Variants in SLIT2 observed in about 807,000 individuals in gnomAD.
SLIT2 encodes slit homolog 2 protein.
A neutral mutation model predicts 185.7 loss-of-function variants in SLIT2; 41 were observed. That is an observed-to-expected ratio of 0.22 (90% CI 0.17 to 0.29). The LOEUF is 0.29. SLIT2 is among the 10% of genes least tolerant of loss of function. SLIT2 has a pLI of 1.00. For synonymous variants in SLIT2, 693 were observed against 680.2 expected (o/e 1.02, Z -0.29); for missense variants, 1,571 against 1,909.0 (o/e 0.82, Z 3.30).
intron 26 of SLIT2, among the ~76,000 whole-genome samples, chr4:20,564,980 G>A (rs1315811230): frequency 2.6e-5 from 4 of 151,230 alleles, no homozygotes; most frequent in Non-Finnish European, 4.4e-5. Flanking sequence ...TCCCCACTAC[G>A]TGGTAAAATG....
chr4:20,564,966 T>C (rs1328051146), intron 26 of SLIT2, among the ~76,000 whole-genome samples: 1 of 151,980 alleles, frequency 6.6e-6, no homozygotes, highest in Non-Finnish European at 1.5e-5. Flanking sequence ...ATTTATTAAA[T>C]AAATCCCCAC....
intron 4 of SLIT2, among the ~76,000 whole-genome samples, chr4:20,376,423 C>T (rs1724027480): frequency 6.6e-6 from 1 of 151,908 alleles, no homozygotes; most frequent in Non-Finnish European, 1.5e-5. Context: ...GAGATAATTC[C>T]ATTGTAGAAA....
intron 4 of SLIT2, among the ~76,000 whole-genome samples, chr4:20,337,348 G>T (rs1188791653): frequency 6.6e-6 from 1 of 152,090 alleles, no homozygotes; most frequent in Non-Finnish European, 1.5e-5. Context: ...GATGTCATGA[G>T]ATGTATTCAC....
At chr4:20,590,603 C>T (rs143157255) in intron 30 of SLIT2, among the ~76,000 whole-genome samples, 133 of 152,264 alleles carry the variant, frequency 8.7e-4, no homozygotes, top group Non-Finnish European at 1.3e-3. Flanking sequence ...ATTATAATCC[C>T]GCTAAGTGTA....
At chr4:20,342,653 T>C (rs1032720651) in intron 4 of SLIT2, among the ~76,000 whole-genome samples, 1 of 151,064 alleles carries the variant, frequency 6.6e-6, no homozygotes, top group Non-Finnish European at 1.5e-5. Flanking sequence ...ATTCCTTTTT[T>C]AACCTCTTAA....
intron 21 of SLIT2, 66 bp from the exon 22 acceptor site, chr4:20,545,965 G>C: frequency 1.1e-6 from 1 of 913,168 alleles, no homozygotes; most frequent in South Asian, 1.7e-5. Flanking sequence ...GTGAAGTACT[G>C]TTTACTTATT....
Position 20,533,674 on chromosome 4 carries a change from G to A in SLIT2, c.1791G>A (p.Val597=). 2.5e-6 allele frequency: 4 copies of A among 1,613,864 alleles called. No individual in the cohort carries two copies. Among genetic ancestry groups the A allele is most frequent in the South Asian group, 1.1e-5 (1 of 91,052 alleles). ...ILLTSNRLEN[V]QHKMFKGLES... The stretch of plus-strand genomic sequence containing the variant: ...TTACGAGTAATCGTTTGGAAAATGT[G>A]CAGCATAAGATGTTCAAGGGATTGG... The change falls in exon 18 of 37, where the codon GTG becomes GTA. Residue 597 remains valine, a synonymous_variant. Transcript: ENST00000504154.
chr4:20,597,666 G>A (rs1199394475), intron 32 of SLIT2, among the ~76,000 whole-genome samples: 1 of 152,154 alleles, frequency 6.6e-6, no homozygotes, highest in African/African-American at 2.4e-5. Flanking sequence ...ACTCTAGTGA[G>A]GGACAGGGGA....
chr4:20,329,184 G>A (rs1577442218), intron 4 of SLIT2, among the ~76,000 whole-genome samples: 1 of 151,844 alleles, frequency 6.6e-6, no homozygotes, highest in Non-Finnish European at 1.5e-5. Context: ...TGTGCCTCAG[G>A]CATTGTAATA....
At chr4:20,516,342 C>T (rs945466940) in intron 11 of SLIT2, among the ~76,000 whole-genome samples, 2 of 149,576 alleles carry the variant, frequency 1.3e-5, no homozygotes, top group Non-Finnish European at 2.9e-5. Context: ...ATATTGTACA[C>T]ATATAATAGT....
chr4:20,277,523 A>G (rs534717445), intron 4 of SLIT2, among the ~76,000 whole-genome samples: 2 of 151,772 alleles, frequency 1.3e-5, no homozygotes, highest in African/African-American at 4.8e-5. Flanking sequence ...AAACATTTGA[A>G]ATTACTGATT....
At position 20,254,742 on chromosome 4, in the gene SLIT2, C is replaced by T. The variant is rs1711586861; in HGVS notation, c.179+748C>T. Among the ~76,000 whole-genome samples the T allele has an allele frequency of 6.6e-6, 1 of 152,164 alleles. No individual in the cohort carries two copies. The highest frequency in any genetic ancestry group is 1.5e-5 in the Non-Finnish European group (1 of 68,036). ...GTTCTCCAGCGCAAACCAGCCCAAC[C>T]AGGTCTTACCACTGCGGCGACCCGG... On this transcript the variant is annotated intron_variant, in intron 1 of 36. Transcript: ENST00000504154. This position sits in a 1 kb window ranked among gnomAD's most constrained non-coding sequence, Gnocchi z 5.1.
At chr4:20,482,986 T>C (rs1716858980) in intron 6 of SLIT2, among the ~76,000 whole-genome samples, 1 of 151,942 alleles carries the variant, frequency 6.6e-6, no homozygotes, top group Non-Finnish European at 1.5e-5. Flanking sequence ...AAATGTTTGG[T>C]CAAGAGCTTA....
At chr4:20,329,122 G>A (rs1719850997) in intron 4 of SLIT2, among the ~76,000 whole-genome samples, 1 of 151,918 alleles carries the variant, frequency 6.6e-6, no homozygotes, top group Non-Finnish European at 1.5e-5. Context: ...GTTAAGGCTG[G>A]GGATAGTTAC....
chr4:20,262,615 G>A (rs2109017724), intron 3 of SLIT2, among the ~76,000 whole-genome samples: 1 of 151,960 alleles, frequency 6.6e-6, no homozygotes, highest in Non-Finnish European at 1.5e-5. Flanking sequence ...AATCATGGCA[G>A]TCATTTTCTT....
At position 20,486,285 on chromosome 4, in the gene SLIT2, A is replaced by G. The variant is rs769618711; in HGVS notation, c.611+14A>G. The stretch of plus-strand genomic sequence containing the variant: ...ACTTAGGACTTTGTAAGTAGTCACA[A>G]TATATGTAAAAGTCATATTAATCAA... On this transcript the variant is annotated intron_variant, in intron 7 of 36. Coordinates refer to ENST00000504154, the MANE Select transcript of SLIT2 (RefSeq NM_004787.4). 13 of 1,436,176 alleles carry G rather than the reference A, an allele frequency of 9.1e-6. No homozygotes were observed. Among genetic ancestry groups the G allele is most frequent in the African/African-American group, 7.0e-5 (5 of 71,162 alleles). The allele number at this position is 1,436,176 out of a possible 1,614,324, so 89.0% of individuals were successfully genotyped here.
intron 4 of SLIT2, among the ~76,000 whole-genome samples, chr4:20,390,479 AG>A (rs992098107): frequency 2.0e-5 from 3 of 152,036 alleles, no homozygotes; most frequent in Non-Finnish European, 4.4e-5. Flanking sequence ...TTTCTGACAG[AG>A]GGGTTCTGGG....
intron 16 of SLIT2, among the ~76,000 whole-genome samples, chr4:20,530,104 T>A (rs1435286401): frequency 6.6e-6 from 1 of 151,850 alleles, no homozygotes; most frequent in African/African-American, 2.4e-5. Context: ...AGTGATTTTT[T>A]TTTTTTTACT....
chr4:20,291,148 A>G (rs1715773502), intron 4 of SLIT2, among the ~76,000 whole-genome samples: 2 of 152,100 alleles, frequency 1.3e-5, no homozygotes, highest in African/African-American at 4.8e-5. Context: ...CATATTAGAC[A>G]CCAGAGATAC....
Sources: allele counts gnomAD v4.1 joint callset (sites outside exome capture counted in the v4.1 genomes callset), GRCh38; gene constraint gnomAD v4.1.1; non-coding constraint Gnocchi (gnomAD v3.1); transcripts MANE v1.5; gene names NCBI Gene and HGNC (gene_info 2026-07-23, HGNC 2026-07-21).